The following NPSR1 variants were observed in gnomAD, a reference collection of about 807,000 sequenced individuals.
NPSR1 encodes neuropeptide S receptor.
A neutral mutation model predicts 46.9 loss-of-function variants in NPSR1; 48 were observed. That is an observed-to-expected ratio of 1.02 (90% CI 0.81 to 1.30). The LOEUF (loss-of-function observed/expected upper bound fraction) is 1.30. NPSR1 is among the 50% of genes most tolerant of loss of function. The pLI is 0.00. For synonymous variants in NPSR1, 176 were observed against 168.1 expected (o/e 1.05, Z -0.36); for missense variants, 450 against 449.5 (o/e 1.00, Z -0.01).
chr7:34,810,684 G>GA (rs1370573638), intron 3 of NPSR1, among the ~76,000 whole-genome samples: 1 of 152,202 alleles, frequency 6.6e-6, no homozygotes, highest in Non-Finnish European at 1.5e-5. Flanking sequence ...AATTGTGGCA[G>GA]AAAAAATTAG....
At chr7:34,771,275 A>C (rs928019343) in intron 2 of NPSR1, among the ~76,000 whole-genome samples, 3 of 152,064 alleles carry the variant, frequency 2.0e-5, no homozygotes, top group African/African-American at 4.8e-5. Context: ...TCTCTATGAA[A>C]ATTTTTAAAA....
intron 2 of NPSR1, chr7:34,751,882 C>T (rs1457361798): frequency 2.6e-6 from 4 of 1,557,958 alleles, no homozygotes; most frequent in Non-Finnish European, 3.5e-6. Flanking sequence ...GTCTGGTGGA[C>T]AAAGCCTTTC....
At chr7:34,717,903 G>A (rs1783657764) in intron 2 of NPSR1, among the ~76,000 whole-genome samples, 1 of 152,180 alleles carries the variant, frequency 6.6e-6, no homozygotes, top group Non-Finnish European at 1.5e-5. Flanking sequence ...TTTACTCAAA[G>A]GATCTGGAAT....
intron 2 of NPSR1, among the ~76,000 whole-genome samples, chr7:34,709,749 A>G (rs957911385): frequency 3.9e-5 from 6 of 152,228 alleles, no homozygotes; most frequent in African/African-American, 1.4e-4. Flanking sequence ...TAGTTATTCA[A>G]TTAATATTTG....
intron 2 of NPSR1, among the ~76,000 whole-genome samples, chr7:34,738,193 A>G (rs1784772203): frequency 6.6e-6 from 1 of 152,212 alleles, no homozygotes; most frequent in Admixed American, 6.5e-5. Flanking sequence ...TTTGTGTACT[A>G]TAGTATCTTC....
chr7:34,712,279 A>G (rs536785805), intron 2 of NPSR1, among the ~76,000 whole-genome samples: 5 of 152,252 alleles, frequency 3.3e-5, no homozygotes, highest in Admixed American at 1.3e-4. Context: ...GTCAGAAACC[A>G]TAGATACTCA....
At chr7:34,703,468 T>C (rs1322573581) in intron 2 of NPSR1, among the ~76,000 whole-genome samples, 1 of 152,118 alleles carries the variant, frequency 6.6e-6, no homozygotes, top group Non-Finnish European at 1.5e-5. Flanking sequence ...TTGTCTTATT[T>C]TTCCCCCTAC....
At chr7:34,749,908 T>C (rs1006752671) in intron 2 of NPSR1, among the ~76,000 whole-genome samples, 4 of 152,184 alleles carry the variant, frequency 2.6e-5, no homozygotes, top group African/African-American at 9.7e-5. Flanking sequence ...CCAATATTGT[T>C]CCTGGACCAA....
chr7:34,684,708 G>T, intron 2 of NPSR1, 24 bp downstream of exon 2: 3 of 1,583,532 alleles, frequency 1.9e-6, no homozygotes, highest in Non-Finnish European at 2.6e-6. Context: ...CAAGTGAGAG[G>T]CAGGAAGCTA....
At chr7:34,771,924 A>G (rs1420457982) in intron 2 of NPSR1, among the ~76,000 whole-genome samples, 1 of 152,198 alleles carries the variant, frequency 6.6e-6, no homozygotes, top group East Asian at 1.9e-4. Flanking sequence ...TGTGTTCTAG[A>G]GAAGTCAGGT....
chr7:34,820,162 C>T (rs1293493538), intron 4 of NPSR1, among the ~76,000 whole-genome samples: 1 of 152,088 alleles, frequency 6.6e-6, no homozygotes. Context: ...CAGGAAGAAG[C>T]CTTTGGAGGT....
intron 2 of NPSR1, chr7:34,751,765 G>A: frequency 1.9e-6 from 3 of 1,587,302 alleles, no homozygotes; most frequent in Middle Eastern, 1.7e-4. Flanking sequence ...CTTCTCCAGG[G>A]CCTGTTTTGC....
chr7:34,768,365 C>T (rs1786528350), intron 2 of NPSR1: 1 of 152,028 alleles, frequency 6.6e-6, no homozygotes, highest in Non-Finnish European at 1.5e-5. Flanking sequence ...CTTTAAGAAA[C>T]ATTAAAGAAA....
chr7:34,819,171 C>A (rs536360650), intron 4 of NPSR1, among the ~76,000 whole-genome samples: 1 of 152,220 alleles, frequency 6.6e-6, no homozygotes, highest in South Asian at 2.1e-4. Context: ...ATCTACCCAT[C>A]TGAAAAGGGC....
chr7:34,807,916 A>T (rs1340708142), intron 3 of NPSR1, among the ~76,000 whole-genome samples: 31 of 152,038 alleles, frequency 2.0e-4, no homozygotes. Flanking sequence ...CCACCACAAA[A>T]TCCGTATCCT....
intron 2 of NPSR1, among the ~76,000 whole-genome samples, chr7:34,748,330 G>A (rs184813231): frequency 6.6e-6 from 1 of 152,280 alleles, no homozygotes; most frequent in African/African-American, 2.4e-5. Flanking sequence ...GGCAAGGGAG[G>A]ACTATTTCAG....
chr7:34,750,476 G>A lies in NPSR1; in HGVS notation c.281-27986G>A, dbSNP rs999533924. The A allele has an allele frequency of 2.3e-5, 17 of 727,394 alleles. No individual in the cohort carries two copies. The African/African-American group carries it at 2.8e-4, about 12-fold the overall frequency. The allele number at this position is 727,394 out of a possible 1,614,324, so 45.1% of individuals were successfully genotyped here. A position where few individuals can be genotyped will look rare whatever the true frequency, so the allele number is the denominator to read the frequency against. ...ATTGTCTGAGGCTGCAGAAGCCAGA[G>A]GCTGGTGCCTACAAACAGTGGATGG... On this transcript the variant is annotated intron_variant, in intron 2 of 8. Transcript: ENST00000360581.
intron 1 of NPSR1, among the ~76,000 whole-genome samples, chr7:34,665,241 C>T (rs915903429): frequency 1.3e-5 from 2 of 152,186 alleles, no homozygotes; most frequent in Non-Finnish European, 2.9e-5. Context: ...ATTGTTCCCT[C>T]ATATCACAGT....
At chr7:34,684,242 A>G (rs528743768) in intron 1 of NPSR1, among the ~76,000 whole-genome samples, 1 of 152,338 alleles carries the variant, frequency 6.6e-6, no homozygotes, top group African/African-American at 2.4e-5. Flanking sequence ...ATAAACATGG[A>G]CATATTTCTG....
Sources: allele counts gnomAD v4.1 joint callset (sites outside exome capture counted in the v4.1 genomes callset), GRCh38; gene constraint gnomAD v4.1.1; transcripts MANE v1.5; gene names NCBI Gene and HGNC (gene_info 2026-07-23, HGNC 2026-07-21).